TNS3: variants seen among roughly 807,000 people sequenced by gnomAD.
TNS3 encodes tensin 3, also known as tensin-3.
In TNS3, 45 loss-of-function variants were observed where a neutral mutation model predicts 140.9. That is an observed-to-expected ratio of 0.32 (90% CI 0.25 to 0.41). The LOEUF (loss-of-function observed/expected upper bound fraction) is 0.41, where lower values mean the gene tolerates loss of function less well. Ranked by LOEUF, TNS3 falls within the 10% of genes least tolerant of loss-of-function variation. TNS3 has a pLI of 1.00. For missense variants in TNS3, 1,716 were observed against 1,906.7 expected (o/e 0.90, Z 1.86); for synonymous variants, 815 against 788.4 (o/e 1.03, Z -0.56).
intron 16 of TNS3, among the ~76,000 whole-genome samples, chr7:47,374,555 G>A (rs1384357773): frequency 6.6e-6 from 1 of 152,184 alleles, no homozygotes; most frequent in African/African-American, 2.4e-5. Context: ...TGCAGGATAA[G>A]AGCAATAAAA....
intron 15 of TNS3, among the ~76,000 whole-genome samples, chr7:47,397,464 C>T (rs534384054): frequency 2.0e-5 from 3 of 152,078 alleles, no homozygotes; most frequent in Non-Finnish European, 4.4e-5. Flanking sequence ...CTGGACAATT[C>T]ACCTTGATGA....
chr7:47,509,476 C>T (rs1454883345), intron 2 of TNS3, among the ~76,000 whole-genome samples: 1 of 152,164 alleles, frequency 6.6e-6, no homozygotes, highest in African/African-American at 2.4e-5. Flanking sequence ...CCGTATGTTA[C>T]TGCACTTGCT....
At chr7:47,400,642 A>G (rs1163578542) in intron 14 of TNS3, 143 bp downstream of exon 14, 25 of 1,429,616 alleles carry the variant, frequency 1.7e-5, no homozygotes, top group Non-Finnish European at 2.3e-5. Context: ...CCAGGGATCA[A>G]TGATCATTTT....
At chr7:47,566,664 G>A (rs1202773778) in intron 1 of TNS3, among the ~76,000 whole-genome samples, 3 of 152,186 alleles carry the variant, frequency 2.0e-5, no homozygotes, top group Non-Finnish European at 2.9e-5. Flanking sequence ...AAAGTTGTTA[G>A]GAGGCAGTAT....
intron 4 of TNS3, among the ~76,000 whole-genome samples, chr7:47,455,632 GATGAGA>G (rs1158190638): frequency 1.7e-4 from 26 of 152,164 alleles, no homozygotes; most frequent in Non-Finnish European, 7.3e-5. Flanking sequence ...AAACTGAATG[GATGAGA>G]ATCCTGTCCT....
At chr7:47,430,126 CTTTTCTT>C (rs1280814544) in intron 8 of TNS3, among the ~76,000 whole-genome samples, 166 of 138,442 alleles carry the variant, frequency 1.2e-3, no homozygotes, top group Non-Finnish European at 6.6e-4. Context: ...CTTTTCTTTT[CTTTTCTT>C]TTTTTTTTTT....
chr7:47,521,989 C>A (rs912416311), intron 2 of TNS3, among the ~76,000 whole-genome samples: 2 of 152,250 alleles, frequency 1.3e-5, no homozygotes, highest in African/African-American at 4.8e-5. Context: ...GAGGTCTGCA[C>A]GGCGATGGAG....
chr7:47,538,735 ATTCC>A (rs753069693), intron 1 of TNS3, among the ~76,000 whole-genome samples: 3 of 152,150 alleles, frequency 2.0e-5, no homozygotes, highest in Non-Finnish European at 4.4e-5. Context: ...CTGGGTTCCA[ATTCC>A]TCACTAAATC....
rs931765353 is a variant in TNS3, at chr7:47,418,244, T to C, written c.474-3038A>G. 2.0e-5 allele frequency among the ~76,000 whole-genome samples: 3 copies of C among 152,338 alleles called. No individual in the cohort carries two copies. In the East Asian group the frequency reaches 5.8e-4, roughly 29 times the overall value. The stretch of plus-strand genomic sequence containing the variant: ...TTGAACCAGGAGGCAGAGGTTGCAG[T>C]GAGCCTAGACTGCACCACTGCACTC... On this transcript the variant is annotated intron_variant, in intron 10 of 30. Coordinates refer to ENST00000311160, the MANE Select transcript of TNS3 (RefSeq NM_022748.12).
chr7:47,275,581 C>A lies in TNS3; in HGVS notation c.*2495G>T, dbSNP rs1233477087. The A allele has an allele frequency of 6.0e-6, 2 of 330,828 alleles. No homozygotes were observed. The highest frequency in any genetic ancestry group is 1.2e-5 in the Non-Finnish European group (2 of 168,244). 20.5% of individuals were successfully genotyped at this position (330,828 alleles called of 1,614,324 possible). A position where few individuals can be genotyped will look rare whatever the true frequency, so the allele number is the denominator to read the frequency against. ...CCGGTGTCCACGGTGGGGGCTCTCT[C>A]ACGGTTTCTGAGCCCACAGTACAAT... is the stretch of plus-strand genomic sequence containing the variant. On this transcript the variant is annotated 3_prime_UTR_variant, in exon 31 of 31. Coordinates refer to ENST00000311160, the MANE Select transcript of TNS3 (RefSeq NM_022748.12).
chr7:47,311,865 C>T (rs1318514439), intron 20 of TNS3, among the ~76,000 whole-genome samples: 1 of 152,160 alleles, frequency 6.6e-6, no homozygotes, highest in Non-Finnish European at 1.5e-5. Flanking sequence ...GAAAATTACA[C>T]ATAAGCACTT....
chr7:47,409,502 G>T (rs76668076), intron 13 of TNS3, among the ~76,000 whole-genome samples: 2 of 152,080 alleles, frequency 1.3e-5, no homozygotes, highest in African/African-American at 4.8e-5. Context: ...TTAAAGGGAC[G>T]GAGCCGTGGG....
intron 1 of TNS3, among the ~76,000 whole-genome samples, chr7:47,558,030 C>G (rs1037584146): frequency 6.6e-6 from 1 of 152,184 alleles, no homozygotes; most frequent in Admixed American, 6.5e-5. Context: ...AACTTCTGCA[C>G]CACTCCCACC....
At chr7:47,391,928 C>A (rs1315841535) in intron 16 of TNS3, among the ~76,000 whole-genome samples, 1 of 152,160 alleles carries the variant, frequency 6.6e-6, no homozygotes, top group Non-Finnish European at 1.5e-5. Context: ...CGGTCTCGAG[C>A]ACAAGACACA....
At chr7:47,441,196 T>C (rs923970107) in intron 5 of TNS3, among the ~76,000 whole-genome samples, 4 of 152,324 alleles carry the variant, frequency 2.6e-5, no homozygotes, top group Middle Eastern at 3.4e-3. Flanking sequence ...TTTTATTTTT[T>C]CGAGACAGAG....
At chr7:47,366,749 T>TGTG in intron 17 of TNS3, among the ~76,000 whole-genome samples, 4 of 151,182 alleles carry the variant, frequency 2.6e-5, no homozygotes, top group African/African-American at 7.3e-5. Context: ...GCAGGCCACA[T>TGTG]AATCTACTGA....
intron 20 of TNS3, among the ~76,000 whole-genome samples, chr7:47,316,166 G>A (rs1218811510): frequency 7.2e-6 from 1 of 139,608 alleles, no homozygotes; most frequent in Non-Finnish European, 1.5e-5. Context: ...CTCCCTCCTA[G>A]TCACATCCCG....
chr7:47,463,156 T>C (rs1796558967), intron 4 of TNS3, among the ~76,000 whole-genome samples: 1 of 152,162 alleles, frequency 6.6e-6, no homozygotes, highest in African/African-American at 2.4e-5. Context: ...CTTCAAGGCA[T>C]AACCTTGGCC....
intron 4 of TNS3, among the ~76,000 whole-genome samples, chr7:47,455,869 G>A (rs1357407718): frequency 6.6e-6 from 1 of 152,164 alleles, no homozygotes; most frequent in Admixed American, 6.5e-5. Flanking sequence ...GGCAGGAGGA[G>A]CAAATTCCTT....
Sources: allele counts gnomAD v4.1 joint callset (sites outside exome capture counted in the v4.1 genomes callset), GRCh38; gene constraint gnomAD v4.1.1; transcripts MANE v1.5; gene names NCBI Gene and HGNC (gene_info 2026-07-23, HGNC 2026-07-21).